Variants in PTPRD observed in about 807,000 individuals in gnomAD.
PTPRD encodes receptor-type tyrosine-protein phosphatase delta.
PTPRD carries 34 observed loss-of-function variants against 214.5 expected under a neutral mutation model. The ratio of observed to expected loss-of-function variants is 0.16; its 90% CI spans 0.12 to 0.21. The LOEUF (loss-of-function observed/expected upper bound fraction) is 0.21. PTPRD is among the 10% of genes least tolerant of loss of function. The pLI is 1.00. For missense variants in PTPRD, 2,545 were observed against 2,398.7 expected (o/e 1.06, Z -1.27); for synonymous variants, 1,128 against 845.7 (o/e 1.33, Z -5.79).
chr9:9,315,833 C>CTTTTTTTTTTT (rs566821610), intron 9 of PTPRD, among the ~76,000 whole-genome samples: 19 of 93,320 alleles, frequency 2.0e-4, no homozygotes, highest in Admixed American at 3.4e-4. Flanking sequence ...TAGCAGACAA[C>CTTTTTTTTTTT]TTTTTTTTTT....
chr9:9,169,715 AC>A (rs1169990436), intron 10 of PTPRD, among the ~76,000 whole-genome samples: 1 of 152,098 alleles, frequency 6.6e-6, no homozygotes, highest in Non-Finnish European at 1.5e-5. Flanking sequence ...CATGTTTAAT[AC>A]CCCTGGGCTG....
chr9:9,566,084 C>A (rs1254468081), intron 8 of PTPRD, among the ~76,000 whole-genome samples: 2 of 150,906 alleles, frequency 1.3e-5, no homozygotes, highest in East Asian at 3.9e-4. Context: ...TTTATTCCTG[C>A]ACATTTTTTC....
chr9:9,650,600 G>C (rs2096313262), intron 7 of PTPRD, among the ~76,000 whole-genome samples: 1 of 151,996 alleles, frequency 6.6e-6, no homozygotes, highest in Non-Finnish European at 1.5e-5. Context: ...CACCTAGAGG[G>C]GAACAACATA....
chr9:10,272,985 CAT>C lies in PTPRD; in HGVS notation c.-545+67976_-545+67977del, dbSNP rs111669275. Among the ~76,000 whole-genome samples, 605 of 152,266 alleles carry C rather than the reference CAT, an allele frequency of 4.0e-3. 8 individuals carry two copies. The highest frequency in any genetic ancestry group is 0.013 in the African/African-American group (548 of 41,532). ...AAAAATGCCTGATGTCACTGTCAAA[CAT>C]AGAAAGATTTGATGAGCAAACCCAC... On this transcript the variant is annotated intron_variant, in intron 3 of 45. Coordinates refer to ENST00000381196, the MANE Select transcript of PTPRD (RefSeq NM_002839.4).
chr9:9,359,874 G>A (rs149838394), intron 9 of PTPRD, among the ~76,000 whole-genome samples: 1 of 151,272 alleles, frequency 6.6e-6, no homozygotes, highest in African/African-American at 2.4e-5. Flanking sequence ...AGAAGATTCA[G>A]AGACACTTAC....
chr9:9,557,219 A>T (rs1037262035), intron 8 of PTPRD, among the ~76,000 whole-genome samples: 1 of 152,156 alleles, frequency 6.6e-6, no homozygotes, highest in African/African-American at 2.4e-5. Context: ...AGTTCAGGCC[A>T]TGATGGAAGG....
At position 10,217,443 on chromosome 9, in the gene PTPRD, G is replaced by C. The variant is rs187698151; in HGVS notation, c.-545+123520C>G. 1.2e-3 allele frequency among the ~76,000 whole-genome samples: 185 copies of C among 151,882 alleles called. 3 individuals are homozygous for C. In the South Asian group the frequency reaches 0.036, roughly 30 times the overall value. On this transcript the variant is annotated intron_variant, in intron 3 of 45. Coordinates refer to ENST00000381196, the MANE Select transcript of PTPRD (RefSeq NM_002839.4). ...CTCCCAAAGCTGAGATCTTGAAAGA[G>C]GGATGTGAACAGAAGGCAAGTATAT... is the stretch of plus-strand genomic sequence containing the variant.
chr9:10,053,251 T>A (rs2097565739), intron 3 of PTPRD, among the ~76,000 whole-genome samples: 1 of 152,162 alleles, frequency 6.6e-6, no homozygotes, highest in South Asian at 2.1e-4. Flanking sequence ...TGAAAGCTGT[T>A]TGAAGTTTAA....
At chr9:8,489,047 A>G (rs2097095869) in intron 27 of PTPRD, among the ~76,000 whole-genome samples, 1 of 152,200 alleles carries the variant, frequency 6.6e-6, no homozygotes, top group South Asian at 2.1e-4. Context: ...TAATTTTTTG[A>G]TCTAAACCAC....
chr9:9,105,230 G>A (rs1199371120), intron 10 of PTPRD, among the ~76,000 whole-genome samples: 3 of 152,098 alleles, frequency 2.0e-5, no homozygotes, highest in African/African-American at 4.8e-5. Context: ...CTCTTGAGAG[G>A]TGGCCTTATT....
At chr9:8,471,484 G>A (rs2296098) in intron 30 of PTPRD, among the ~76,000 whole-genome samples, 1 of 152,170 alleles carries the variant, frequency 6.6e-6, no homozygotes, top group East Asian at 1.9e-4. Context: ...GGAGGATATA[G>A]ATGAAAAATT....
At chr9:8,849,710 G>A (rs1410454082) in intron 11 of PTPRD, among the ~76,000 whole-genome samples, 6 of 152,278 alleles carry the variant, frequency 3.9e-5, no homozygotes, top group South Asian at 2.1e-4. Flanking sequence ...CTCAATGACT[G>A]CAGGGAATGT....
chr9:9,368,798 T>C (rs999756156), intron 9 of PTPRD, among the ~76,000 whole-genome samples: 2 of 151,988 alleles, frequency 1.3e-5, no homozygotes, highest in African/African-American at 4.8e-5. Flanking sequence ...TTAGAGTACA[T>C]GTGCACAACG....
At chr9:8,939,576 A>AAC (rs5896283) in intron 11 of PTPRD, among the ~76,000 whole-genome samples, 140,486 of 150,416 alleles carry the variant, frequency 0.93, 66,252 homozygotes, top group East Asian at 1. Flanking sequence ...ATATATACAT[A>AAC]ACACACACAC....
At chr9:9,682,486 G>A (rs929253303) in intron 7 of PTPRD, among the ~76,000 whole-genome samples, 12 of 151,758 alleles carry the variant, frequency 7.9e-5, no homozygotes, top group African/African-American at 2.9e-4. Context: ...TGTTGCCATT[G>A]TTTTATTTAT....
intron 14 of PTPRD, among the ~76,000 whole-genome samples, chr9:8,574,795 T>C (rs551095126): frequency 5.3e-5 from 8 of 152,022 alleles, no homozygotes; most frequent in South Asian, 2.1e-4. Context: ...GCCAATCCCA[T>C]TTAAACAACT....
At chr9:10,242,171 C>G (rs978233309) in intron 3 of PTPRD, among the ~76,000 whole-genome samples, 2 of 151,964 alleles carry the variant, frequency 1.3e-5, no homozygotes, top group Non-Finnish European at 2.9e-5. Context: ...AGCTTTCTAA[C>G]TGCATTTTTT....
chr9:9,691,442 C>T (rs2097268599), intron 7 of PTPRD, among the ~76,000 whole-genome samples: 1 of 151,972 alleles, frequency 6.6e-6, no homozygotes, highest in Non-Finnish European at 1.5e-5. Context: ...CAGTTCTATC[C>T]ATGTTGTTGC....
In PTPRD at chr9:8,969,755, G is replaced by C. The variant is rs542710835; in HGVS notation, c.-104+48942C>G. The stretch of plus-strand genomic sequence containing the variant: ...TATTGATAGTGAGCCATCAGAATGA[G>C]GAGTATGATCTCATACCTTTGCCCC... On this transcript the variant is annotated intron_variant, in intron 11 of 45. Coordinates refer to ENST00000381196, the MANE Select transcript of PTPRD (RefSeq NM_002839.4). Among the ~76,000 whole-genome samples, 62 of 151,938 alleles carry C rather than the reference G, an allele frequency of 4.1e-4. 1 individual carries two copies. The South Asian group carries it at 0.013, about 31-fold the overall frequency.
Sources: allele counts gnomAD v4.1 joint callset (sites outside exome capture counted in the v4.1 genomes callset), GRCh38; gene constraint gnomAD v4.1.1; transcripts MANE v1.5; gene names NCBI Gene and HGNC (gene_info 2026-07-23, HGNC 2026-07-21).